PAK4: variants seen among roughly 807,000 people sequenced by gnomAD.
PAK4 encodes the protein p21 (RAC1) activated kinase 4, also known as serine/threonine-protein kinase PAK 4.
A neutral mutation model predicts 53.5 loss-of-function variants in PAK4; 49 were observed. The observed-to-expected ratio is 0.92, with a 90% CI of 0.73 to 1.16. PAK4 has a LOEUF of 1.16. PAK4 is among the 50% of genes most tolerant of loss of function. The pLI is 0.00. For missense variants in PAK4, 824 were observed against 850.7 expected (o/e 0.97, Z 0.39); for synonymous variants, 376 against 375.6 (o/e 1.00, Z -0.01).
chr19:39,169,864 G>C, intron 2 of PAK4, 107 bp downstream of exon 3: 6 of 803,172 alleles, frequency 7.5e-6, no homozygotes, highest in Non-Finnish European at 2.0e-6. Flanking sequence ...CACTGACATG[G>C]AAATGGAGAC....
At chr19:39,154,470 C>T (rs2074143645) in intron 1 of PAK4, among the ~76,000 whole-genome samples, 1 of 152,158 alleles carries the variant, frequency 6.6e-6, no homozygotes, top group African/African-American at 2.4e-5. Flanking sequence ...GCGGTTGCCT[C>T]CAGGGCTGAG....
rs535863655 is a variant in PAK4 at position 39,178,637 on chromosome 19, G to A, written c.*58G>A. ...CCCCGGGTCACCCCCGCCCCACTGA[G>A]GCCAGTAGGGGGCCAGGCCTCCCAC... is the stretch of plus-strand genomic sequence containing the variant. On this transcript the variant is annotated 3_prime_UTR_variant, in exon 9 of 9. Coordinates refer to ENST00000358301, the Ensembl canonical transcript of PAK4. This position sits in a 1 kb window ranked among gnomAD's most constrained non-coding sequence, Gnocchi z 4.4. The A allele has an allele frequency of 9.0e-6, 13 of 1,446,926 alleles. No individual in the cohort carries two copies. In the East Asian group the frequency reaches 2.9e-4, roughly 33 times the overall value. The allele number at this position is 1,446,926 out of a possible 1,614,324, so 89.6% of individuals were successfully genotyped here.
chr19:39,173,539 G>T lies in PAK4; in HGVS notation c.664-37G>T. 6.8e-7 allele frequency: 1 copy of T among 1,478,804 alleles called. No individual in the cohort carries two copies. The highest frequency in any genetic ancestry group is 1.3e-5 in the South Asian group (1 of 74,324). The allele number at this position is 1,478,804 out of a possible 1,614,324, so 91.6% of individuals were successfully genotyped here. A position where few individuals can be genotyped will look rare whatever the true frequency, so the allele number is the denominator to read the frequency against. On this transcript the variant is annotated intron_variant, in intron 3 of 8. Transcript: ENST00000358301. The surrounding 1 kb of genome is among the most constrained non-coding windows in gnomAD (Gnocchi z 6.9). The stretch of plus-strand genomic sequence containing the variant: ...GCTTAGGGAGCAGAGCTGCTCCCTG[G>T]CACCCATCACTGACAGCTACCTCTC...
chr19:39,156,727 T>G (rs2074189500), intron 1 of PAK4: 1 of 152,224 alleles, frequency 6.6e-6, no homozygotes, highest in Non-Finnish European at 1.5e-5. Flanking sequence ...CCCTCCTCGG[T>G]GGGTGCCCAT....
intron 1 of PAK4, among the ~76,000 whole-genome samples, chr19:39,139,136 C>T (rs933340603): frequency 5.3e-5 from 8 of 152,200 alleles, no homozygotes; most frequent in South Asian, 4.1e-4. Context: ...CCTGCAGCAC[C>T]CCAGCCTCGC....
intron 1 of PAK4, among the ~76,000 whole-genome samples, chr19:39,165,496 CAG>C (rs2074358294): frequency 1.3e-5 from 2 of 148,528 alleles, no homozygotes; most frequent in African/African-American, 5.0e-5. Flanking sequence ...GCCTGGGCGA[CAG>C]AGCAAGACTC....
Position 39,173,423 on chromosome 19 carries a change from C to A in PAK4, c.663+47C>A. 1 of 1,427,462 alleles carries A rather than the reference C, an allele frequency of 7.0e-7. No homozygotes were observed. Among genetic ancestry groups the A allele is most frequent in the Non-Finnish European group, 9.4e-7 (1 of 1,068,182 alleles). The allele number at this position is 1,427,462 out of a possible 1,614,324, so 88.4% of individuals were successfully genotyped here. A position where few individuals can be genotyped will look rare whatever the true frequency, so the allele number is the denominator to read the frequency against. On this transcript the variant is annotated intron_variant, in intron 3 of 8. Transcript: ENST00000358301. This position sits in a 1 kb window ranked among gnomAD's most constrained non-coding sequence, Gnocchi z 6.9. ...GGCCCCCACTGTCCCCTGCCCGTTG[C>A]TCCTCTGTCCCCACCTTCCAGCCCC...
Position 39,173,658 on chromosome 19 carries a change from C to A in PAK4, c.746C>A (p.Pro249His). ...CAGTCCTCCTCCTCCTCCTCCCGGC[C>A]TCCCACCCGAGCCCGAGGTGCCCCC... The change falls in exon 4 of 9, where the codon CCT (proline) becomes CAT (histidine). Residue 249 changes from proline (P) to histidine (H), a missense_variant. Pro to His is a moderately conservative substitution (Grantham distance 77). Transcript: ENST00000358301. The surrounding 1 kb of genome is among the most constrained non-coding windows in gnomAD (Gnocchi z 6.9). 6.3e-7 allele frequency: 1 copy of A among 1,587,260 alleles called. No individual in the cohort carries two copies. Among genetic ancestry groups the A allele is most frequent in the Non-Finnish European group, 8.6e-7 (1 of 1,164,912 alleles).
At chr19:39,176,986 A>C (rs904120144) in intron 7 of PAK4, among the ~76,000 whole-genome samples, 17 of 151,708 alleles carry the variant, frequency 1.1e-4, no homozygotes, top group Non-Finnish European at 2.4e-4. Context: ...CTCCTGCCTC[A>C]GCCTCCCGAG....
intron 1 of PAK4, chr19:39,152,488 T>C (rs1395334904): frequency 6.6e-6 from 1 of 152,090 alleles, no homozygotes; most frequent in Non-Finnish European, 1.5e-5. Context: ...GTGCTTCCTT[T>C]AAGTGAAAAA....
downstream of PAK4, chr19:39,179,422 T>TG (rs35349647): frequency 0.29 from 43,164 of 148,432 alleles, 6,691 homozygotes; most frequent in East Asian, 0.37. Context: ...GTGCGATGTG[T>TG]GGGGGGCAGG....
intron 1 of PAK4, among the ~76,000 whole-genome samples, chr19:39,132,994 A>T (rs2073742440): frequency 6.6e-6 from 1 of 152,232 alleles, no homozygotes; most frequent in South Asian, 2.1e-4. Context: ...TGAGAAGGGG[A>T]AACTGAGGCA....
chr19:39,131,716 G>A (rs111574545), intron 1 of PAK4, among the ~76,000 whole-genome samples: 4,206 of 152,282 alleles, frequency 0.028, 132 homozygotes, highest in African/African-American at 0.071. Context: ...GTCCTGCCCC[G>A]ACCCTTCCCA....
chr19:39,141,790 C>T (rs58626126), intron 1 of PAK4, among the ~76,000 whole-genome samples: 2,902 of 152,198 alleles, frequency 0.019, 92 homozygotes, highest in African/African-American at 0.066. Context: ...CGCCCGCCAC[C>T]ACGCCTGGCT....
At chr19:39,167,120 C>T (rs1375486539) in intron 1 of PAK4, among the ~76,000 whole-genome samples, 4 of 152,252 alleles carry the variant, frequency 2.6e-5, no homozygotes, top group African/African-American at 9.6e-5. Context: ...GTGTCCCCCA[C>T]CTCAGGGTCT....
At chr19:39,181,170 C>T (rs2074697375), downstream of PAK4, 1 of 152,332 alleles carries the variant, frequency 6.6e-6, no homozygotes, top group South Asian at 2.1e-4. Flanking sequence ...TTTCGAACTC[C>T]TGGCCTCAAG....
rs957107473 is a variant in PAK4 at position 39,174,027 on chromosome 19, C to T, written c.1098+17C>T. 3.3e-6 allele frequency: 5 copies of T among 1,505,782 alleles called. No individual in the cohort carries two copies. The highest frequency in any genetic ancestry group is 4.8e-5 in the East Asian group (2 of 41,260). The allele number at this position is 1,505,782 out of a possible 1,614,324, so 93.3% of individuals were successfully genotyped here. On this transcript the variant is annotated intron_variant, in intron 4 of 8. Transcript: ENST00000358301. Reference sequence around the variant, plus strand: ...TTCAACGAGGTGCGGGCGCTGCTGCCCTGCCGCCCTGCTGGTCCTCCCACC... The same window carrying T: ...TTCAACGAGGTGCGGGCGCTGCTGCTCTGCCGCCCTGCTGGTCCTCCCACC...
chr19:39,144,075 G>GC (rs1238727233), intron 1 of PAK4, among the ~76,000 whole-genome samples: 1 of 152,040 alleles, frequency 6.6e-6, no homozygotes, highest in Non-Finnish European at 1.5e-5. Context: ...ATAAGATAGA[G>GC]CGAGCAAGAC....
Position 39,173,635 on chromosome 19 carries a change from GTCCTCCTCC to G in PAK4, c.733_741del (p.Ser245_Ser247del), listed in dbSNP as rs754906604. The G allele has an allele frequency of 7.2e-5, 112 of 1,561,910 alleles. No individual in the cohort carries two copies. Among genetic ancestry groups the G allele is most frequent in the Non-Finnish European group, 8.9e-5 (103 of 1,154,010 alleles). On this transcript the variant is annotated inframe_deletion, in exon 4 of 9. Coordinates refer to ENST00000358301, the Ensembl canonical transcript of PAK4. The surrounding 1 kb of genome is among the most constrained non-coding windows in gnomAD (Gnocchi z 6.9). ...CAGCGGGGGGCCTGGCCATCCCCCA[GTCCTCCTCC>G]TCCTCCTCCCGGCCTCCCACCCGAG...
Sources: allele counts gnomAD v4.1 joint callset (sites outside exome capture counted in the v4.1 genomes callset), GRCh38; gene constraint gnomAD v4.1.1; non-coding constraint Gnocchi (gnomAD v3.1); transcripts MANE v1.5; gene names NCBI Gene and HGNC (gene_info 2026-07-23, HGNC 2026-07-21).